Variants in CLDN16 observed in about 807,000 individuals in gnomAD.
CLDN16 encodes the protein claudin-16.
CLDN16 carries 13 observed loss-of-function variants against 24.6 expected under a neutral mutation model. That is an observed-to-expected ratio of 0.53 (90% CI 0.34 to 0.84). CLDN16 has a LOEUF of 0.84. Among genes scored for constraint, CLDN16 ranks in the 40% least tolerant of loss-of-function variants. The probability of loss-of-function intolerance (pLI) is 0.01; values close to 1 mark genes in which losing one functional copy is unlikely to be tolerated. For missense variants in CLDN16, 298 were observed against 292.7 expected (o/e 1.02, Z -0.13); for synonymous variants, 116 against 106.7 (o/e 1.09, Z -0.54).
At chr3:190,348,087 CAAA>C (rs777398020) in intron 1 of CLDN16, among the ~76,000 whole-genome samples, 1 of 97,440 alleles carries the variant, frequency 1.0e-5, no homozygotes, top group Admixed American at 1.1e-4. Flanking sequence ...ACTGAAAATA[CAAA>C]AAAAAAAAAA....
upstream of CLDN16, among the ~76,000 whole-genome samples, chr3:190,318,883 A>G (rs948084340): frequency 6.6e-6 from 1 of 152,186 alleles, no homozygotes; most frequent in Admixed American, 6.5e-5. Context: ...ACAGCCACCA[A>G]TACTCATTAA....
intron 1 of CLDN16, among the ~76,000 whole-genome samples, chr3:190,359,892 A>G (rs146973216): frequency 1.8e-3 from 281 of 152,150 alleles, no homozygotes; most frequent in African/African-American, 2.3e-3. Flanking sequence ...AAAAGGAGCT[A>G]TGAGGCTCGA....
the CLDN16 span, among the ~76,000 whole-genome samples, chr3:190,298,230 C>A: frequency 6.6e-6 from 1 of 151,990 alleles, no homozygotes. Flanking sequence ...CAACAATAAC[C>A]ATATACTTGT....
intron 1 of CLDN16, among the ~76,000 whole-genome samples, chr3:190,348,554 A>G (rs1472187239): frequency 1.3e-5 from 2 of 152,190 alleles, no homozygotes; most frequent in Non-Finnish European, 2.9e-5. Flanking sequence ...AGACCAGAAG[A>G]AAGAAAACAA....
the CLDN16 span, among the ~76,000 whole-genome samples, chr3:190,314,667 G>T: frequency 6.6e-6 from 1 of 152,050 alleles, no homozygotes; most frequent in East Asian, 1.9e-4. Context: ...GCCTCCCAAA[G>T]TTCTGGGATT....
chr3:190,355,589 G>C (rs1022346456), intron 1 of CLDN16, among the ~76,000 whole-genome samples: 1 of 151,802 alleles, frequency 6.6e-6, no homozygotes, highest in Non-Finnish European at 1.5e-5. Context: ...TTAGAAAAAT[G>C]TGTGATTTAT....
intron 3 of CLDN16, among the ~76,000 whole-genome samples, chr3:190,407,614 G>A (rs1719138928): frequency 1.3e-5 from 2 of 152,186 alleles, no homozygotes; most frequent in South Asian, 4.1e-4. Context: ...GACACTAGTG[G>A]CGTCATTTCA....
At position 190,381,937 on chromosome 3, in the gene CLDN16, A is replaced by T. The variant is rs1718380347; in HGVS notation, n.306+7334A>T. Among the ~76,000 whole-genome samples, 5 of 152,032 alleles carry T rather than the reference A, an allele frequency of 3.3e-5. No individual in the cohort carries two copies. The South Asian group carries it at 1.0e-3, about 32-fold the overall frequency. On this transcript the variant is annotated intron_variant and non_coding_transcript_variant, in intron 3 of 4. Transcript: ENST00000468220. ...GCTGACATTGACTTCATGAGAGAAT[A>T]CTTAAATATTTGGAGAGAAAACAAG...
intron 1 of CLDN16, among the ~76,000 whole-genome samples, chr3:190,399,856 A>G (rs945870595): frequency 6.6e-6 from 1 of 152,094 alleles, no homozygotes; most frequent in Non-Finnish European, 1.5e-5. Context: ...ATTACCGCCT[A>G]ATGGTGGACA....
At chr3:190,332,693 G>C (rs1717208430) in intron 1 of CLDN16, among the ~76,000 whole-genome samples, 1 of 151,992 alleles carries the variant, frequency 6.6e-6, no homozygotes, top group South Asian at 2.1e-4. Context: ...CAGAATTGCT[G>C]TGTATTACTG....
intron 1 of CLDN16, among the ~76,000 whole-genome samples, chr3:190,326,294 C>T (rs1367302857): frequency 2.6e-5 from 4 of 152,220 alleles, no homozygotes; most frequent in African/African-American, 9.6e-5. Context: ...AAATGATCCT[C>T]ATGTTTGTTC....
the CLDN16 span, among the ~76,000 whole-genome samples, chr3:190,295,859 T>C: frequency 6.6e-6 from 1 of 152,226 alleles, no homozygotes; most frequent in East Asian, 1.9e-4. Context: ...TATAACTCAC[T>C]CTACGTGGGG....
intron 1 of CLDN16, among the ~76,000 whole-genome samples, chr3:190,363,596 A>ATT (rs1422062684): frequency 6.1e-5 from 8 of 131,176 alleles, no homozygotes; most frequent in Non-Finnish European, 6.5e-5. Flanking sequence ...ATATATATAT[A>ATT]TTTTCTTTCT....
the CLDN16 span, among the ~76,000 whole-genome samples, chr3:190,294,291 A>C: frequency 6.6e-6 from 1 of 152,192 alleles, no homozygotes; most frequent in African/African-American, 2.4e-5. Flanking sequence ...AAAATGGAAC[A>C]ATTTAAGCTG....
At chr3:190,299,265 ATTTAGC>A in the CLDN16 span, among the ~76,000 whole-genome samples, 1 of 152,020 alleles carries the variant, frequency 6.6e-6, no homozygotes, top group Non-Finnish European at 1.5e-5. Flanking sequence ...CTTTGCATGA[ATTTAGC>A]TTTTTTTTCC....
intron 3 of CLDN16, among the ~76,000 whole-genome samples, chr3:190,381,736 A>G (rs1006422029): frequency 7.2e-5 from 11 of 152,096 alleles, no homozygotes; most frequent in African/African-American, 2.4e-4. Flanking sequence ...AGAACACACC[A>G]GTTAAGCTAA....
chr3:190,330,857 C>G (rs1402663962), intron 1 of CLDN16, among the ~76,000 whole-genome samples: 5 of 152,094 alleles, frequency 3.3e-5, no homozygotes, highest in Admixed American at 3.3e-4. Flanking sequence ...TAACTTTTAA[C>G]CTTCAAATTT....
chr3:190,378,066 T>A (rs1406976869), intron 3 of CLDN16, among the ~76,000 whole-genome samples: 1 of 152,004 alleles, frequency 6.6e-6, no homozygotes, highest in Non-Finnish European at 1.5e-5. Context: ...CTCCATTATT[T>A]ACTTACTGGA....
At chr3:190,391,488 A>C (rs931281423) in intron 1 of CLDN16, among the ~76,000 whole-genome samples, 3 of 152,180 alleles carry the variant, frequency 2.0e-5, no homozygotes, top group Admixed American at 1.3e-4. Flanking sequence ...TTGGGGAAGA[A>C]AATATGCGAT....
Sources: gnomAD v4.1 joint callset for allele counts (sites outside exome capture counted in the v4.1 genomes callset) on GRCh38, gnomAD v4.1.1 for gene constraint, MANE v1.5 for transcripts, NCBI Gene and HGNC (gene_info 2026-07-23, HGNC 2026-07-21) for gene names.